The following SDK1 variants were observed in gnomAD, a reference collection of about 807,000 sequenced individuals.
SDK1 encodes protein sidekick-1.
A neutral mutation model predicts 245.5 loss-of-function variants in SDK1; 157 were observed. The ratio of observed to expected loss-of-function variants is 0.64; its 90% confidence interval spans 0.56 to 0.73. The LOEUF (loss-of-function observed/expected upper bound fraction) is 0.73, where lower values mean the gene tolerates loss of function less well. Among genes scored for constraint, SDK1 ranks in the 30% least tolerant of loss-of-function variants. The pLI is 0.00. For missense variants in SDK1, 3,583 were observed against 3,002.3 expected (o/e 1.19, Z -4.52); for synonymous variants, 1,647 against 1,278.5 (o/e 1.29, Z -6.15).
intron 4 of SDK1, among the ~76,000 whole-genome samples, chr7:3,716,893 C>A (rs901550372): frequency 2.0e-5 from 3 of 151,656 alleles, no homozygotes; most frequent in African/African-American, 7.3e-5. Flanking sequence ...AGGCTTGCAA[C>A]TACAGAAAAG....
At chr7:3,861,410 G>T (rs552653399) in intron 5 of SDK1, among the ~76,000 whole-genome samples, 1 of 152,198 alleles carries the variant, frequency 6.6e-6, no homozygotes, top group African/African-American at 2.4e-5. Context: ...TTTGGTGCTT[G>T]TAGGAGGGTA....
At chr7:3,783,113 C>G (rs1449459823) in intron 4 of SDK1, among the ~76,000 whole-genome samples, 1 of 152,192 alleles carries the variant, frequency 6.6e-6, no homozygotes, top group Non-Finnish European at 1.5e-5. Context: ...GAATGAAGGA[C>G]AAAAGCCATG....
chr7:4,064,676 G>C lies in SDK1; in HGVS notation c.2912-3162G>C, dbSNP rs139687396. 5.8e-4 allele frequency among the ~76,000 whole-genome samples: 89 copies of C among 152,242 alleles called. 1 individual carries two copies. The East Asian group carries it at 8.1e-3, about 14-fold the overall frequency. On this transcript the variant is annotated intron_variant, in intron 19 of 44. Coordinates refer to ENST00000404826, the MANE Select transcript of SDK1 (RefSeq NM_152744.4). ...GAATCAACCCAAGCGTCCATCAGTA[G>C]ACCAACGGATAAGAAAATGTGGTGT...
At chr7:3,772,448 AC>A (rs1221428434) in intron 4 of SDK1, among the ~76,000 whole-genome samples, 1 of 152,162 alleles carries the variant, frequency 6.6e-6, no homozygotes, top group Non-Finnish European at 1.5e-5. Flanking sequence ...ACTTCCAAAA[AC>A]ATCAATAATT....
rs1782169740 is a variant in SDK1, at chr7:3,500,701, A to C, written c.299-118379A>C. On this transcript the variant is annotated intron_variant, in intron 1 of 44. Transcript: ENST00000404826. ...AAACAAATTTCTTTTATTTCTAAGA[A>C]GGCTTCTAGAGTCATTTCATTAATG... Among the ~76,000 whole-genome samples, 4 of 152,110 alleles carry C rather than the reference A, an allele frequency of 2.6e-5. No individual in the cohort carries two copies. The South Asian group carries it at 8.3e-4, about 31-fold the overall frequency.
intron 32 of SDK1, among the ~76,000 whole-genome samples, chr7:4,173,896 C>G (rs747085267): frequency 6.6e-6 from 1 of 152,204 alleles, no homozygotes; most frequent in Non-Finnish European, 1.5e-5. Flanking sequence ...CCACACAGCA[C>G]CCAGCCTCCT....
At chr7:3,951,414 T>A (rs750429507) in intron 6 of SDK1, among the ~76,000 whole-genome samples, 1 of 152,174 alleles carries the variant, frequency 6.6e-6, no homozygotes, top group Non-Finnish European at 1.5e-5. Context: ...GATCCCGCCT[T>A]CCATGTCGTT....
intron 43 of SDK1, among the ~76,000 whole-genome samples, chr7:4,242,337 C>G (rs1192662747): frequency 6.6e-6 from 1 of 152,158 alleles, no homozygotes; most frequent in Non-Finnish European, 1.5e-5. Flanking sequence ...TCTGTGTATT[C>G]CAAAGTTTTC....
At chr7:3,792,699 TCC>T (rs2115025354) in intron 4 of SDK1, among the ~76,000 whole-genome samples, 1 of 147,348 alleles carries the variant, frequency 6.8e-6, no homozygotes, top group East Asian at 2.0e-4. Context: ...CTCCCATCCA[TCC>T]ATCCATCCAT....
rs931921826 is a variant in SDK1, at chr7:3,491,250, C to G, written c.299-127830C>G. On this transcript the variant is annotated intron_variant, in intron 1 of 44. Transcript: ENST00000404826. ...TGAGGAGCCCATCGTTCCTTAAGCA[C>G]CTGTGCTGCGTTGTATTGTAATCAC... 2.6e-5 allele frequency among the ~76,000 whole-genome samples: 4 copies of G among 152,196 alleles called. No individual in the cohort carries two copies. The South Asian group carries it at 8.3e-4, about 32-fold the overall frequency.
intron 4 of SDK1, among the ~76,000 whole-genome samples, chr7:3,666,072 G>C (rs1209515895): frequency 1.3e-5 from 2 of 152,136 alleles, no homozygotes; most frequent in African/African-American, 4.8e-5. Flanking sequence ...GGAAATCTCA[G>C]CTGATCTCCA....
chr7:3,769,865 A>C (rs1300054132), intron 4 of SDK1, among the ~76,000 whole-genome samples: 1 of 151,688 alleles, frequency 6.6e-6, no homozygotes, highest in Non-Finnish European at 1.5e-5. Context: ...GCTTGTTCAC[A>C]ATAGGTACTA....
intron 2 of SDK1, among the ~76,000 whole-genome samples, chr7:3,621,819 T>C (rs1461187508): frequency 3.3e-5 from 5 of 152,188 alleles, no homozygotes; most frequent in African/African-American, 1.2e-4. Context: ...AAATGGATAA[T>C]ATGGGTCTCA....
intron 1 of SDK1, among the ~76,000 whole-genome samples, chr7:3,492,146 A>C (rs1562519868): frequency 6.6e-6 from 1 of 152,236 alleles, no homozygotes; most frequent in Non-Finnish European, 1.5e-5. Flanking sequence ...GATGCTAGGG[A>C]ACTTAGTAAG....
At chr7:3,552,667 A>G (rs1367368859) in intron 1 of SDK1, among the ~76,000 whole-genome samples, 2 of 152,178 alleles carry the variant, frequency 1.3e-5, no homozygotes, top group African/African-American at 2.4e-5. Context: ...TACCTTATTC[A>G]TGGCTGTGAA....
chr7:3,951,764 A>C lies in SDK1; in HGVS notation c.994A>C (p.Asn332His), dbSNP rs772530422. ...VEDLSVTWKR[N>H]GVRITSGLHS... is the part of the protein sequence containing the mutation. ...GGACCTGAGTGTGACCTGGAAGAGG[A>C]ATGGAGTGAGAATCACCAGTGGCCT... The change falls in exon 7 of 45, where the codon AAT (asparagine) becomes CAT (histidine). Residue 332 changes from asparagine to histidine, a missense_variant. Asn to His is a moderately conservative substitution (Grantham distance 68). Coordinates refer to ENST00000404826, the MANE Select transcript of SDK1 (RefSeq NM_152744.4). The C allele has an allele frequency of 1.2e-6, 2 of 1,613,822 alleles. No homozygotes were observed. Among genetic ancestry groups the C allele is most frequent in the Middle Eastern group, 3.3e-4 (2 of 6,062 alleles).
intron 30 of SDK1, among the ~76,000 whole-genome samples, chr7:4,152,191 G>C (rs987857677): frequency 6.6e-6 from 1 of 152,174 alleles, no homozygotes. Context: ...TAAGGCAATC[G>C]GAAGAGTCAG....
chr7:3,313,540 A>T (rs1372084105), intron 1 of SDK1, among the ~76,000 whole-genome samples: 1 of 152,224 alleles, frequency 6.6e-6, no homozygotes, highest in African/African-American at 2.4e-5. Flanking sequence ...GCTAAATGAT[A>T]GGAAGCATTG....
At chr7:3,753,488 T>C (rs1267654300) in intron 4 of SDK1, among the ~76,000 whole-genome samples, 2 of 152,126 alleles carry the variant, frequency 1.3e-5, no homozygotes, top group African/African-American at 4.8e-5. Flanking sequence ...CAGTAGCCCA[T>C]TGCAAGAAAG....
Sources: gnomAD v4.1 joint callset for allele counts (sites outside exome capture counted in the v4.1 genomes callset) on GRCh38, gnomAD v4.1.1 for gene constraint, MANE v1.5 for transcripts, NCBI Gene and HGNC (gene_info 2026-07-23, HGNC 2026-07-21) for gene names.